The following ETV1 variants were observed in gnomAD, a reference collection of about 807,000 sequenced individuals.
ETV1 encodes ETS variant transcription factor 1, also known as ETS translocation variant 1.
ETV1 carries 27 observed loss-of-function variants against 62.3 expected under a neutral mutation model. The observed-to-expected ratio is 0.43, with a 90% confidence interval of 0.32 to 0.60. The LOEUF is 0.60. Ranked by LOEUF, ETV1 falls within the 20% of genes least tolerant of loss-of-function variation. The pLI, the probability that ETV1 is intolerant of heterozygous loss-of-function variation, is 0.06. For synonymous variants in ETV1, 222 were observed against 199.6 expected (o/e 1.11, Z -0.94); for missense variants, 605 against 605.8 (o/e 1.00, Z 0.01).
At chr7:13,909,389 CAAGA>C (rs1783323760) in intron 11 of ETV1, among the ~76,000 whole-genome samples, 5 of 152,126 alleles carry the variant, frequency 3.3e-5, no homozygotes, top group Admixed American at 1.3e-4. Context: ...CAAAGCTCAG[CAAGA>C]ATGATGCTCT....
intron 6 of ETV1, among the ~76,000 whole-genome samples, chr7:13,942,117 G>T (rs992194838): frequency 6.8e-6 from 1 of 146,990 alleles, no homozygotes; most frequent in Non-Finnish European, 1.5e-5. Context: ...TCCACCTCCC[G>T]GGTTCACGCC....
intron 12 of ETV1, among the ~76,000 whole-genome samples, chr7:13,905,292 TA>T (rs778298200): frequency 1.3e-5 from 2 of 152,168 alleles, no homozygotes. Context: ...ATGTTCAGTG[TA>T]TATGAAAATC....
chr7:13,967,227 A>T (rs1458750253), intron 6 of ETV1, among the ~76,000 whole-genome samples: 1 of 152,152 alleles, frequency 6.6e-6, no homozygotes, highest in Non-Finnish European at 1.5e-5. Flanking sequence ...ATCACAACTC[A>T]AGCCTCTTCA....
At chr7:13,921,299 C>A (rs1434718874) in intron 9 of ETV1, among the ~76,000 whole-genome samples, 1 of 152,006 alleles carries the variant, frequency 6.6e-6, no homozygotes, top group African/African-American at 2.4e-5. Flanking sequence ...TCATTGCTGC[C>A]CTGGAAATTA....
intron 8 of ETV1, among the ~76,000 whole-genome samples, chr7:13,932,567 C>G (rs558041356): frequency 6.6e-6 from 1 of 152,180 alleles, no homozygotes; most frequent in Non-Finnish European, 1.5e-5. Flanking sequence ...GAGGCCTCAG[C>G]AGAAGGCTAG....
At chr7:13,952,203 T>G (rs2282871) in intron 6 of ETV1, among the ~76,000 whole-genome samples, 65,018 of 151,976 alleles carry the variant, frequency 0.43, 14,036 homozygotes, top group Admixed American at 0.5. Flanking sequence ...TGCATAATCA[T>G]GGACTAACTG....
At chr7:13,924,686 C>A (rs1344317126) in intron 9 of ETV1, among the ~76,000 whole-genome samples, 5 of 152,178 alleles carry the variant, frequency 3.3e-5, no homozygotes, top group Non-Finnish European at 5.9e-5. Context: ...AAATCATGAA[C>A]TCTTCACTAA....
At chr7:13,939,093 C>G in intron 7 of ETV1, 24 bp downstream of exon 7, 1 of 1,604,740 alleles carries the variant, frequency 6.2e-7, no homozygotes, top group Non-Finnish European at 8.5e-7. Flanking sequence ...CACTATCCTA[C>G]ATACATACAC....
intron 6 of ETV1, among the ~76,000 whole-genome samples, chr7:13,956,125 G>A (rs1034696509): frequency 6.6e-6 from 1 of 152,044 alleles, no homozygotes; most frequent in African/African-American, 2.4e-5. Flanking sequence ...TAGTGATAAA[G>A]AAATATTACA....
chr7:13,944,469 T>C (rs1316374072), intron 6 of ETV1, among the ~76,000 whole-genome samples: 1 of 152,004 alleles, frequency 6.6e-6, no homozygotes, highest in Non-Finnish European at 1.5e-5. Flanking sequence ...GGCTCCATCT[T>C]CATAACCTAA....
intron 6 of ETV1, among the ~76,000 whole-genome samples, chr7:13,955,761 C>T (rs1789362176): frequency 6.6e-6 from 1 of 152,162 alleles, no homozygotes; most frequent in Non-Finnish European, 1.5e-5. Context: ...CCCAAGAAAA[C>T]TATTATTGGA....
rs113163137 is a variant in ETV1 at position 13,925,741 on chromosome 7, A to ATT, written c.802+5759_802+5760dup. On this transcript the variant is annotated intron_variant, in intron 9 of 13. Transcript: ENST00000430479. ...CCACTGCGCCCGGCTAATTTTTTGT[A>ATT]TTTTTTTTAGTAGAGACGGGGTTTC... Among the ~76,000 whole-genome samples, 1,133 of 150,780 alleles carry ATT rather than the reference A, an allele frequency of 7.5e-3. 14 individuals are homozygous for ATT. The highest frequency in any genetic ancestry group is 0.026 in the African/African-American group (1,048 of 40,988).
chr7:13,984,034 A>T (rs1782269631), intron 5 of ETV1, among the ~76,000 whole-genome samples: 2 of 151,896 alleles, frequency 1.3e-5, no homozygotes, highest in African/African-American at 4.8e-5. Context: ...AAAACTAAAC[A>T]TGCTAAGATA....
intron 6 of ETV1, among the ~76,000 whole-genome samples, chr7:13,976,244 C>T (rs2128499592): frequency 1.3e-5 from 2 of 152,236 alleles, no homozygotes; most frequent in South Asian, 4.1e-4. Flanking sequence ...TTTACAGGTA[C>T]AGAACTTCAG....
At position 13,895,497 on chromosome 7, in the gene ETV1, C is replaced by G. The variant is rs1050732142; in HGVS notation, c.*369G>C. On this transcript the variant is annotated 3_prime_UTR_variant, in exon 14 of 14. Transcript: ENST00000430479. ...GTGAAATTAACTGTACCATAGATAC[C>G]CCGATAAAATAAACATTATCTTATG... 1.5e-5 allele frequency: 4 copies of G among 265,740 alleles called. No homozygotes were observed. The highest frequency in any genetic ancestry group is 8.6e-5 in the African/African-American group (4 of 46,384). 16.5% of individuals were successfully genotyped at this position (265,740 alleles called of 1,614,324 possible). A position where few individuals can be genotyped will look rare whatever the true frequency, so the allele number is the denominator to read the frequency against.
intron 9 of ETV1, among the ~76,000 whole-genome samples, chr7:13,916,749 T>C (rs1009561047): frequency 2.6e-5 from 4 of 151,912 alleles, no homozygotes; most frequent in Non-Finnish European, 5.9e-5. Context: ...GGCAATATGG[T>C]GAAACCCCAT....
chr7:13,940,100 C>T (rs532140337), intron 6 of ETV1, among the ~76,000 whole-genome samples: 5 of 152,290 alleles, frequency 3.3e-5, no homozygotes, highest in South Asian at 2.1e-4. Flanking sequence ...CCGTGGCTCA[C>T]GCCGGTAATC....
intron 6 of ETV1, among the ~76,000 whole-genome samples, chr7:13,952,303 C>A (rs150431872): frequency 6.6e-6 from 1 of 152,066 alleles, no homozygotes; most frequent in Non-Finnish European, 1.5e-5. Flanking sequence ...GTAATGCCTG[C>A]GTGTAAGTGC....
intron 12 of ETV1, among the ~76,000 whole-genome samples, chr7:13,904,374 T>C (rs530127109): frequency 6.6e-6 from 1 of 152,230 alleles, no homozygotes; most frequent in African/African-American, 2.4e-5. Context: ...CAGTCTGTTG[T>C]ATGGAACAGA....
Sources: allele counts gnomAD v4.1 joint callset (sites outside exome capture counted in the v4.1 genomes callset), GRCh38; gene constraint gnomAD v4.1.1; transcripts MANE v1.5; gene names NCBI Gene and HGNC (gene_info 2026-07-23, HGNC 2026-07-21).